The following SDK1 variants were observed in gnomAD, a reference collection of about 807,000 sequenced individuals.
SDK1 encodes the protein protein sidekick-1.
In SDK1, 157 loss-of-function variants were observed where a neutral mutation model predicts 245.5. That is an observed-to-expected ratio of 0.64 (90% CI 0.56 to 0.73). The LOEUF is 0.73. Ranked by LOEUF, SDK1 falls within the 30% of genes least tolerant of loss-of-function variation. The pLI, the probability that SDK1 is intolerant of heterozygous loss-of-function variation, is 0.00. For missense variants in SDK1, 3,583 were observed against 3,002.3 expected, an observed-to-expected ratio of 1.19 and a Z score of -4.52; for synonymous variants, 1,647 against 1,278.5, an observed-to-expected ratio of 1.29 and a Z score of -6.15.
At chr7:3,890,808 G>A (rs1407018545) in intron 5 of SDK1, among the ~76,000 whole-genome samples, 1 of 152,136 alleles carries the variant, frequency 6.6e-6, no homozygotes, top group African/African-American at 2.4e-5. Context: ...CAGGTGTTGT[G>A]GTGGGTGCCT....
intron 4 of SDK1, among the ~76,000 whole-genome samples, chr7:3,691,530 A>G (rs149500583): frequency 2.0e-5 from 3 of 152,360 alleles, no homozygotes; most frequent in African/African-American, 4.8e-5. Context: ...AGGGATCTGT[A>G]TAAGGAGGCA....
At chr7:3,951,623 C>A (rs1335559505) in intron 6 of SDK1, 107 bp from the exon 7 acceptor site, 2 of 946,614 alleles carry the variant, frequency 2.1e-6, no homozygotes, top group Admixed American at 2.0e-5. Flanking sequence ...CCACCATGCA[C>A]CCTGGTAGCA....
rs564532278 is a variant in SDK1 at position 3,897,189 on chromosome 7, C to G, written c.848-53734C>G. Among the ~76,000 whole-genome samples, 4 of 152,334 alleles carry G rather than the reference C, an allele frequency of 2.6e-5. No individual in the cohort carries two copies. In the South Asian group the frequency reaches 8.3e-4, roughly 32 times the overall value. ...CATTTGGGAGGGGACCAGAGCCAAA[C>G]CATATCAATACATAACATAAAATTT... On this transcript the variant is annotated intron_variant, in intron 5 of 44. Transcript: ENST00000404826.
chr7:4,205,397 G>A lies in SDK1; in HGVS notation c.5099-482G>A, dbSNP rs973207389. ...TGACTCCCTCGCCGATAGAGCCGCA[G>A]TGACCCTGTCACATCCCAGGCATTG... is the stretch of plus-strand genomic sequence containing the variant. On this transcript the variant is annotated intron_variant, in intron 35 of 44. Transcript: ENST00000404826. 3.9e-5 allele frequency among the ~76,000 whole-genome samples: 6 copies of A among 152,234 alleles called. No individual in the cohort carries two copies. In the East Asian group the frequency reaches 1.2e-3, roughly 30 times the overall value.
At position 4,189,787 on chromosome 7, in the gene SDK1, C is replaced by G. The variant is rs1287045410; in HGVS notation, c.5098+11201C>G. ...CCATGGCAATTGAGTGAGACTCCGT[C>G]TCAAAAAATAAATAAAATAAAATCA... is the stretch of plus-strand genomic sequence containing the variant. On this transcript the variant is annotated intron_variant, in intron 35 of 44. Coordinates refer to ENST00000404826, the MANE Select transcript of SDK1 (RefSeq NM_152744.4). 2.0e-5 allele frequency among the ~76,000 whole-genome samples: 3 copies of G among 152,194 alleles called. No homozygotes were observed. The East Asian group carries it at 5.8e-4, about 29-fold the overall frequency.
chr7:4,143,360 G>C (rs1338611930), intron 28 of SDK1, among the ~76,000 whole-genome samples: 1 of 152,154 alleles, frequency 6.6e-6, no homozygotes, highest in East Asian at 1.9e-4. Context: ...AGGAGAAGTC[G>C]TGACTGCAAT....
At chr7:3,982,798 C>G (rs1041332488) in intron 13 of SDK1, among the ~76,000 whole-genome samples, 1 of 151,854 alleles carries the variant, frequency 6.6e-6, no homozygotes, top group African/African-American at 2.4e-5. Flanking sequence ...TGAGATCGTG[C>G]CACTGCACTC....
intron 2 of SDK1, among the ~76,000 whole-genome samples, chr7:3,628,612 G>A (rs1170332941): frequency 1.3e-5 from 2 of 152,166 alleles, no homozygotes; most frequent in African/African-American, 4.8e-5. Context: ...ATGTGAAAGG[G>A]CAGCTTCTAG....
intron 5 of SDK1, among the ~76,000 whole-genome samples, chr7:3,947,530 T>TTGTGTG (rs745830597): frequency 0.029 from 4,094 of 140,414 alleles, 72 homozygotes; most frequent in South Asian, 0.055. Context: ...AAGTATTTGC[T>TTGTGTG]TGTGTGTGTG....
chr7:4,227,885 G>A (rs757711826), intron 40 of SDK1, among the ~76,000 whole-genome samples: 4 of 152,314 alleles, frequency 2.6e-5, no homozygotes, highest in East Asian at 1.9e-4. Context: ...CCGCTTGGGC[G>A]GGGGGAGATG....
chr7:3,729,037 T>C (rs573629677), intron 4 of SDK1, among the ~76,000 whole-genome samples: 4 of 152,204 alleles, frequency 2.6e-5, no homozygotes, highest in Non-Finnish European at 5.9e-5. Context: ...CCTTTGCGAT[T>C]AGGTGCTGAT....
intron 44 of SDK1, among the ~76,000 whole-genome samples, chr7:4,259,726 A>G (rs553047989): frequency 6.6e-6 from 1 of 152,324 alleles, no homozygotes; most frequent in South Asian, 2.1e-4. Flanking sequence ...CAAATGAGTT[A>G]TAAAAAAACC....
At chr7:4,130,130 G>A in intron 27 of SDK1, 33 bp downstream of exon 27, 3 of 1,536,966 alleles carry the variant, frequency 2.0e-6, no homozygotes, top group Non-Finnish European at 2.6e-6. Context: ...CGGGAGCCTT[G>A]CTGCCTCCCA....
intron 4 of SDK1, among the ~76,000 whole-genome samples, chr7:3,644,793 C>CA (rs59276438): frequency 1.8e-5 from 2 of 108,864 alleles, no homozygotes; most frequent in African/African-American, 3.6e-5. Flanking sequence ...AAAAAAAAAA[C>CA]AAAAAACAAC....
chr7:3,346,544 C>G (rs1323669888), intron 1 of SDK1, among the ~76,000 whole-genome samples: 1 of 151,406 alleles, frequency 6.6e-6, no homozygotes, highest in African/African-American at 2.4e-5. Context: ...GTCAAGGTCT[C>G]ACTCTGTCAC....
chr7:3,561,441 T>G (rs1286780438), intron 1 of SDK1, among the ~76,000 whole-genome samples: 1 of 152,222 alleles, frequency 6.6e-6, no homozygotes. Flanking sequence ...TTCTACGTGT[T>G]AGACTCCACA....
At chr7:3,715,615 G>A (rs1785177451) in intron 4 of SDK1, among the ~76,000 whole-genome samples, 1 of 152,126 alleles carries the variant, frequency 6.6e-6, no homozygotes, top group Non-Finnish European at 1.5e-5. Flanking sequence ...CATTATCATT[G>A]GAACTACAGC....
chr7:3,951,852 T>G lies in SDK1; in HGVS notation c.1082T>G (p.Val361Gly). 6.2e-7 allele frequency: 1 copy of G among 1,613,766 alleles called. No individual in the cohort carries two copies. Among genetic ancestry groups the G allele is most frequent in the Non-Finnish European group, 8.5e-7 (1 of 1,180,010 alleles). The change falls in exon 7 of 45, where the codon GTC (valine) becomes GGC (glycine). Residue 361 changes from valine to glycine, a missense_variant. Physicochemically the swap from Val to Gly is moderately radical, Grantham distance 109 (BLOSUM62 -3). Transcript: ENST00000404826. ...ACGTCCGCGGACACCGGGCCATACG[T>G]CTGCGAGGCGGCGCTGCCGGGGAGC... The part of the protein sequence containing the change: ...NPTSADTGPY[V>G]CEAALPGSAF...
intron 5 of SDK1, among the ~76,000 whole-genome samples, chr7:3,829,341 C>A (rs1779858079): frequency 6.6e-6 from 1 of 152,016 alleles, no homozygotes; most frequent in African/African-American, 2.4e-5. Context: ...TGTTGATGAC[C>A]CTCTAAGGGC....
Sources: gnomAD v4.1 joint callset for allele counts (sites outside exome capture counted in the v4.1 genomes callset) on GRCh38, gnomAD v4.1.1 for gene constraint, MANE v1.5 for transcripts, NCBI Gene and HGNC (gene_info 2026-07-23, HGNC 2026-07-21) for gene names.